The following LRRC17 variants were observed in gnomAD, a reference collection of about 807,000 sequenced individuals.
The protein encoded by LRRC17 is leucine rich repeat containing 17, also known as leucine-rich repeat-containing protein 17.
A neutral mutation model predicts 41.5 loss-of-function variants in LRRC17; 33 were observed. The observed-to-expected ratio is 0.80, with a 90% confidence interval of 0.60 to 1.06. The LOEUF (loss-of-function observed/expected upper bound fraction) is 1.06. LRRC17 is among the 50% of genes least tolerant of loss of function. The pLI is 0.00. For missense variants in LRRC17, 491 were observed against 519.3 expected, an observed-to-expected ratio of 0.95 and a Z score of 0.53; for synonymous variants, 192 against 197.0, an observed-to-expected ratio of 0.97 and a Z score of 0.21.
Position 102,944,266 on chromosome 7 carries a change from C to G in LRRC17, c.985C>G (p.Gln329Glu). 1 of 1,613,164 alleles carries G rather than the reference C, an allele frequency of 6.2e-7. No individual in the cohort carries two copies. Among genetic ancestry groups the G allele is most frequent in the Non-Finnish European group, 8.5e-7 (1 of 1,179,740 alleles). ...EELDLSNNSL[Q>E]NFDYGVLEDL... ...ATTAGATTTATCAAACAACAGTCTG[C>G]AAAACTTTGACTATGGCGTATTAGA... Residue 329 changes from glutamine (Q) to glutamate (E), a missense_variant, in exon 4 of 4, where the codon CAA becomes GAA. By Grantham distance (29) the Gln-to-Glu change is conservative. Transcript: ENST00000339431.
At chr7:102,932,990 A>G (rs1458387040) in intron 1 of LRRC17, 1 of 152,246 alleles carries the variant, frequency 6.6e-6, no homozygotes, top group Non-Finnish European at 1.5e-5. Context: ...TCCCTTAAGG[A>G]GTTTACTTTC....
At position 102,933,612 on chromosome 7, in the gene LRRC17, CA is replaced by C. The variant is rs148489086; in HGVS notation, c.-140-161del. Reference sequence around the variant, plus strand: ...CCTTGATTCAAACTCAGGGCACAAACATTTGGCCTCTAACCCAGGCAACTAA... The same window carrying C: ...CCTTGATTCAAACTCAGGGCACAAACTTTGGCCTCTAACCCAGGCAACTAA... On this transcript the variant is annotated intron_variant, in intron 1 of 3. Transcript: ENST00000339431. 1,102 of 201,714 alleles carry C rather than the reference CA, an allele frequency of 5.5e-3. 9 individuals are homozygous for C. Among genetic ancestry groups the C allele is most frequent in the African/African-American group, 0.024 (1,028 of 42,972 alleles). The allele number at this position is 201,714 out of a possible 1,614,324, so 12.5% of individuals were successfully genotyped here.
At chr7:102,938,317 C>G (rs1409975150) in intron 2 of LRRC17, among the ~76,000 whole-genome samples, 1 of 152,168 alleles carries the variant, frequency 6.6e-6, no homozygotes, top group African/African-American at 2.4e-5. Context: ...GTTAAGGTCA[C>G]AATTTTACTA....
At position 102,934,655 on chromosome 7, in the gene LRRC17, C is replaced by T. The variant is rs574386315; in HGVS notation, c.742C>T (p.Pro248Ser). The T allele has an allele frequency of 2.5e-6, 4 of 1,600,958 alleles. No individual in the cohort carries two copies. Among genetic ancestry groups the T allele is most frequent in the African/African-American group, 1.4e-5 (1 of 73,922 alleles). Residue 248 changes from proline to serine, a missense_variant, in exon 2 of 4, where the codon CCC becomes TCC. Pro to Ser is a moderately conservative substitution (Grantham distance 74, BLOSUM62 -1). Coordinates refer to ENST00000339431, the MANE Select transcript of LRRC17 (RefSeq NM_001031692.3). Reference sequence around the variant, plus strand: ...AACTTTTTGCCACAATTATGTGTTTCCCATACAAACACTGGACTGCAAAAG... The same window carrying T: ...AACTTTTTGCCACAATTATGTGTTTTCCATACAAACACTGGACTGCAAAAG... ...DSTFCHNYVF[P>S]IQTLDCKRKE...
intron 1 of LRRC17, among the ~76,000 whole-genome samples, chr7:102,916,891 A>AT (rs912954909): frequency 1.1e-4 from 17 of 151,482 alleles, no homozygotes; most frequent in East Asian, 3.9e-4. Flanking sequence ...AACTACAAAG[A>AT]TTTTTTTTTC....
chr7:102,913,267 A>C (rs767967757), intron 1 of LRRC17, 122 bp downstream of exon 1: 6 of 1,608,394 alleles, frequency 3.7e-6, no homozygotes, highest in Non-Finnish European at 4.2e-6. Context: ...TTGTTCTCTC[A>C]AATCTTTCTT....
At chr7:102,916,044 C>T (rs993154964) in intron 1 of LRRC17, among the ~76,000 whole-genome samples, 1 of 151,616 alleles carries the variant, frequency 6.6e-6, no homozygotes, top group Admixed American at 6.6e-5. Context: ...AGTGCAATGG[C>T]ATGATCTCGG....
chr7:102,922,850 T>C lies in LRRC17; in HGVS notation c.-141+9705T>C, dbSNP rs559060561. 3.8e-3 allele frequency among the ~76,000 whole-genome samples: 565 copies of C among 150,214 alleles called. 5 individuals are homozygous for C. Among genetic ancestry groups the C allele is most frequent in the African/African-American group, 0.014 (556 of 41,018 alleles). On this transcript the variant is annotated intron_variant, in intron 1 of 3. Transcript: ENST00000339431. ...AAAATTAACTGGGTGTGGTGGTGGG[T>C]GCCTGTAGTCCCAGCTACTCAGGAG... is the stretch of plus-strand genomic sequence containing the variant.
chr7:102,922,738 C>T lies in LRRC17; in HGVS notation c.-141+9593C>T, dbSNP rs193019594. Among the ~76,000 whole-genome samples, 711 of 151,842 alleles carry T rather than the reference C, an allele frequency of 4.7e-3. 2 individuals are homozygous for T. The highest frequency in any genetic ancestry group is 6.8e-3 in the Admixed American group (104 of 15,246). On this transcript the variant is annotated intron_variant, in intron 1 of 3. Transcript: ENST00000339431. ...CTATAATCCCAGCACTTTGGGAGGC[C>T]GAGGCGGGCGGATCACGAGGTCAGG... is the stretch of plus-strand genomic sequence containing the variant.
At chr7:102,918,014 G>A (rs1368284941) in intron 1 of LRRC17, among the ~76,000 whole-genome samples, 1 of 152,120 alleles carries the variant, frequency 6.6e-6, no homozygotes, top group Non-Finnish European at 1.5e-5. Flanking sequence ...AATCATTGTT[G>A]CCAAGGACAA....
At position 102,933,969 on chromosome 7, in the gene LRRC17, G is replaced by T. The variant is rs771131020; in HGVS notation, c.56G>T (p.Arg19Leu). ...TGCTTTTGCAAAGCGGCTGAGCTGC[G>T]CAAAGCAAGCCCAGGCAGTGTGAGA... Reference protein sequence around the residue: ...LLCFCKAAELRKASPGSVRSR... With the variant: ...LLCFCKAAELLKASPGSVRSR... Residue 19 changes from arginine to leucine, a missense_variant, in exon 2 of 4, where the codon CGC becomes CTC. Transcript: ENST00000339431. 1.2e-6 allele frequency: 2 copies of T among 1,614,026 alleles called. No individual in the cohort carries two copies.
intron 1 of LRRC17, among the ~76,000 whole-genome samples, chr7:102,931,288 G>T (rs1355071739): frequency 1.3e-5 from 2 of 152,236 alleles, no homozygotes; most frequent in African/African-American, 2.4e-5. Flanking sequence ...GGAAAGGGAG[G>T]CAGAGGCAAA....
chr7:102,929,617 T>C (rs925949728), intron 1 of LRRC17, among the ~76,000 whole-genome samples: 1 of 134,956 alleles, frequency 7.4e-6, no homozygotes, highest in Non-Finnish European at 1.5e-5. Context: ...TGAGCCACGA[T>C]GGCACCACTG....
At chr7:102,927,177 A>G (rs1021858055) in intron 1 of LRRC17, among the ~76,000 whole-genome samples, 5 of 152,374 alleles carry the variant, frequency 3.3e-5, no homozygotes, top group Non-Finnish European at 4.4e-5. Flanking sequence ...TGCTTTTTGT[A>G]TAGGTAACAC....
chr7:102,928,184 G>A (rs114684606), intron 1 of LRRC17, among the ~76,000 whole-genome samples: 249 of 152,330 alleles, frequency 1.6e-3, no homozygotes, highest in African/African-American at 5.3e-3. Flanking sequence ...AGATTGAGAT[G>A]AGGAGGTAAT....
At chr7:102,932,661 G>C (rs1181165100) in intron 1 of LRRC17, among the ~76,000 whole-genome samples, 1 of 76,540 alleles carries the variant, frequency 1.3e-5, no homozygotes, top group Non-Finnish European at 3.0e-5. Context: ...GTGGCACCAT[G>C]TTGGCTCACT....
At position 102,934,692 on chromosome 7, in the gene LRRC17, A is replaced by G. The variant is rs780414807; in HGVS notation, c.772+7A>G. 2 of 1,563,036 alleles carry G rather than the reference A, an allele frequency of 1.3e-6. No homozygotes were observed. Among genetic ancestry groups the G allele is most frequent in the Non-Finnish European group, 8.6e-7 (1 of 1,160,540 alleles). On this transcript the variant is annotated splice_region_variant and intron_variant, in intron 2 of 3. Transcript: ENST00000339431. ...CTGGACTGCAAAAGGAAAGGTTTGT[A>G]CTTTTCTTACTTTTTCATTTTCATG...
At chr7:102,940,076 T>C (rs563050538) in intron 3 of LRRC17, among the ~76,000 whole-genome samples, 7 of 151,786 alleles carry the variant, frequency 4.6e-5, no homozygotes, top group African/African-American at 1.7e-4. Flanking sequence ...GTATTTTTAG[T>C]AGAGATGGGG....
intron 3 of LRRC17, among the ~76,000 whole-genome samples, chr7:102,940,678 A>G (rs1821249969): frequency 6.6e-6 from 1 of 152,246 alleles, no homozygotes; most frequent in Non-Finnish European, 1.5e-5. Context: ...GTTCTAGATC[A>G]AGACCAATTC....
Sources: gnomAD v4.1 joint callset for allele counts (sites outside exome capture counted in the v4.1 genomes callset) on GRCh38, gnomAD v4.1.1 for gene constraint, MANE v1.5 for transcripts, NCBI Gene and HGNC (gene_info 2026-07-23, HGNC 2026-07-21) for gene names.